The following SSRP1 variants were observed in gnomAD, a reference collection of about 807,000 sequenced individuals.
SSRP1 encodes structure specific recognition protein 1.
SSRP1 carries 21 observed loss-of-function variants against 84.4 expected under a neutral mutation model. That is an observed-to-expected ratio of 0.25 (90% confidence interval 0.18 to 0.36). The LOEUF is 0.36. SSRP1 is among the 10% of genes least tolerant of loss of function. SSRP1 has a pLI of 1.00. For missense variants in SSRP1, 519 were observed against 900.8 expected (o/e 0.58, Z 5.43); for synonymous variants, 319 against 318.3 (o/e 1.00, Z -0.02).
chr11:57,334,446 G>A lies in SSRP1; in HGVS notation c.240+17C>T. The A allele has an allele frequency of 6.2e-7, 1 of 1,612,620 alleles. No individual in the cohort carries two copies. Among genetic ancestry groups the A allele is most frequent in the Middle Eastern group, 1.7e-4 (1 of 6,060 alleles). Reference sequence around the variant, plus strand: ...AGATGCAGTAAAAAGGAGGCTTATAGCCATGGGACATCTCACCGATTCTCG... The same window carrying A: ...AGATGCAGTAAAAAGGAGGCTTATAACCATGGGACATCTCACCGATTCTCG... On this transcript the variant is annotated intron_variant, in intron 3 of 16. Transcript: ENST00000278412.
In SSRP1 at chr11:57,330,164, G is replaced by C; in HGVS notation, c.1436-26C>G. ...CTGAAAAAGGGCACAGGATGCATCAGCTTCTGCCCCAATGGAAATCCCCCC... is the reference window on the plus strand; with the variant it reads ...CTGAAAAAGGGCACAGGATGCATCACCTTCTGCCCCAATGGAAATCCCCCC... On this transcript the variant is annotated intron_variant, in intron 11 of 16. Transcript: ENST00000278412. The surrounding 1 kb of genome is among the most constrained non-coding windows in gnomAD (Gnocchi z 4.0). 1 of 1,614,154 alleles carries C rather than the reference G, an allele frequency of 6.2e-7. No homozygotes were observed. The highest frequency in any genetic ancestry group is 8.5e-7 in the Non-Finnish European group (1 of 1,180,034).
rs766522949 is a variant in SSRP1, at chr11:57,332,673, C to T, written c.720G>A (p.Leu240=). 1.2e-5 allele frequency: 20 copies of T among 1,613,850 alleles called. No individual in the cohort carries two copies. In the South Asian group the frequency reaches 2.1e-4, roughly 17 times the overall value. The stretch of plus-strand genomic sequence containing the variant: ...CCTTGTGGGGTAACAAAAACAGACG[C>T]AGTACTGTGGTGTAGGGGATCTTGT... ...FDYKIPYTTV[L]RLFLLPHKDQ... is the part of the protein sequence containing the mutation. The change falls in exon 6 of 17, where the codon CTG becomes CTA. Residue 240 remains leucine (L), a synonymous_variant. Coordinates refer to ENST00000278412, the MANE Select transcript of SSRP1 (RefSeq NM_003146.3). This position sits in a 1 kb window ranked among gnomAD's most constrained non-coding sequence, Gnocchi z 5.5.
At chr11:57,334,262 T>A (rs1182328600) in intron 3 of SSRP1, among the ~76,000 whole-genome samples, 1 of 152,246 alleles carries the variant, frequency 6.6e-6, no homozygotes, top group East Asian at 1.9e-4. Flanking sequence ...GAAGAAAATC[T>A]TCTGGAGTCA....
At chr11:57,328,038 C>A in intron 13 of SSRP1, 156 bp from the exon 14 acceptor site, 1 of 986,978 alleles carries the variant, frequency 1.0e-6, no homozygotes, top group South Asian at 1.7e-5. Context: ...GTATCTCCTT[C>A]CCCTCTGCAA....
intron 3 of SSRP1, among the ~76,000 whole-genome samples, chr11:57,334,157 A>G (rs952764621): frequency 1.3e-5 from 2 of 152,228 alleles, no homozygotes; most frequent in African/African-American, 4.8e-5. Flanking sequence ...TGTCCCCAAA[A>G]AAAACCAAAA....
rs568153673 is a variant in SSRP1 at position 57,335,403 on chromosome 11, C to T, written c.-119-163G>A. The T allele has an allele frequency of 9.7e-5, 39 of 401,224 alleles. No individual in the cohort carries two copies. The highest frequency in any genetic ancestry group is 6.8e-4 in the South Asian group (29 of 42,400). 24.9% of individuals were successfully genotyped at this position (401,224 alleles called of 1,614,324 possible). On this transcript the variant is annotated intron_variant, in intron 1 of 16. Coordinates refer to ENST00000278412, the MANE Select transcript of SSRP1 (RefSeq NM_003146.3). This position sits in a 1 kb window ranked among gnomAD's most constrained non-coding sequence, Gnocchi z 4.6. The stretch of plus-strand genomic sequence containing the variant: ...AGTGCCCGAGGGTCCAGGTCCAGGC[C>T]TGGGTGGAGAACCGGGCCCGGAATA...
chr11:57,335,871 G>A lies in SSRP1; in HGVS notation c.-261C>T, dbSNP rs1481919242. The A allele has an allele frequency of 6.6e-6, 1 of 152,328 alleles. No individual in the cohort carries two copies. The highest frequency in any genetic ancestry group is 2.4e-5 in the African/African-American group (1 of 41,456). 9.4% of individuals were successfully genotyped at this position (152,328 alleles called of 1,614,324 possible). On this transcript the variant is annotated 5_prime_UTR_variant, in exon 1 of 17. Transcript: ENST00000278412. The surrounding 1 kb of genome is among the most constrained non-coding windows in gnomAD (Gnocchi z 4.6). ...GCGGCCCCGCGTCCCGCCACCGGAA[G>A]CCGTACACAGGCCACAGAGAGGATG...
chr11:57,327,029 C>G, intron 15 of SSRP1, 140 bp from the exon 16 acceptor site: 2 of 1,416,084 alleles, frequency 1.4e-6, no homozygotes, highest in South Asian at 1.5e-5. Context: ...CTGCGTCAGC[C>G]TGGAGGGCAC....
At chr11:57,328,760 A>G in intron 12 of SSRP1, 1 of 227,672 alleles carries the variant, frequency 4.4e-6, no homozygotes, top group South Asian at 8.7e-5. Flanking sequence ...ACACTGCCTC[A>G]TTCATGCCTG....
chr11:57,330,082 C>G lies in SSRP1; in HGVS notation c.1481+11G>C, dbSNP rs1359927776. 1 of 1,614,190 alleles carries G rather than the reference C, an allele frequency of 6.2e-7. No individual in the cohort carries two copies. Among genetic ancestry groups the G allele is most frequent in the Non-Finnish European group, 8.5e-7 (1 of 1,180,034 alleles). ...ACCATCTTATCCCCACAAGGTACCA[C>G]CAAAACTCACTCCTCTGCCACATCT... On this transcript the variant is annotated intron_variant, in intron 12 of 16. Transcript: ENST00000278412. This position sits in a 1 kb window ranked among gnomAD's most constrained non-coding sequence, Gnocchi z 4.0.
At position 57,332,796 on chromosome 11, in the gene SSRP1, G is replaced by C. The variant is rs1856120265; in HGVS notation, c.597C>G (p.Ile199Met). The stretch of plus-strand genomic sequence containing the variant: ...GACACTGCAGCTCCCGGAAGATGCA[G>C]ATGGCATCTCCCGTGGCCTGGATTA... Reference protein sequence around the residue: ...ADVIQATGDAICIFRELQCLT... With the variant: ...ADVIQATGDAMCIFRELQCLT... The change falls in exon 6 of 17, where the codon ATC becomes ATG. Residue 199 changes from isoleucine to methionine, a missense_variant. Ile to Met is a conservative substitution (Grantham distance 10). Transcript: ENST00000278412. The surrounding 1 kb of genome is among the most constrained non-coding windows in gnomAD (Gnocchi z 5.5). 1 of 1,614,158 alleles carries C rather than the reference G, an allele frequency of 6.2e-7. No homozygotes were observed. The highest frequency in any genetic ancestry group is 8.5e-7 in the Non-Finnish European group (1 of 1,180,036).
chr11:57,330,932 G>A lies in SSRP1; in HGVS notation c.1224-5C>T. On this transcript the variant is annotated splice_region_variant and splice_polypyrimidine_tract_variant and intron_variant, in intron 9 of 16. Transcript: ENST00000278412. This position sits in a 1 kb window ranked among gnomAD's most constrained non-coding sequence, Gnocchi z 4.0. The stretch of plus-strand genomic sequence containing the variant: ...AACAGTTTCCCGTACTCCTCCCTGT[G>A]AGGGGACATGCACCATGTTACCAGA... 1 of 1,614,160 alleles carries A rather than the reference G, an allele frequency of 6.2e-7. No homozygotes were observed. The highest frequency in any genetic ancestry group is 8.5e-7 in the Non-Finnish European group (1 of 1,180,010).
rs779838351 is a variant in SSRP1, at chr11:57,330,401, G to T, written c.1325C>A (p.Ala442Asp). ...EGMNPSYDEY[A>D]DSDEDQHDAY... ...ATCATGCTGGTCCTCATCAGAGTCA[G>T]CATATTCATCGTAGCTTGGGTTCAT... The change falls in exon 11 of 17, where the codon GCT becomes GAT. Residue 442 changes from alanine (A) to aspartate (D), a missense_variant. By Grantham distance (126) the Ala-to-Asp change is moderately radical (BLOSUM62 -2). This residue lies in a region of SSRP1 where 34 missense variants were observed against 34.3 expected (regional missense o/e 0.99). Coordinates refer to ENST00000278412, the MANE Select transcript of SSRP1 (RefSeq NM_003146.3). The surrounding 1 kb of genome is among the most constrained non-coding windows in gnomAD (Gnocchi z 4.0). 1.5e-5 allele frequency: 24 copies of T among 1,613,966 alleles called. No individual in the cohort carries two copies. The highest frequency in any genetic ancestry group is 8.3e-5 in the Admixed American group (5 of 60,008).
In SSRP1 at chr11:57,326,825, C is replaced by A. The variant is rs1035884861; in HGVS notation, c.1936G>T (p.Gly646Cys). 3.1e-6 allele frequency: 5 copies of A among 1,614,070 alleles called. No homozygotes were observed. The highest frequency in any genetic ancestry group is 4.2e-6 in the Non-Finnish European group (5 of 1,180,030). Reference sequence around the variant, plus strand: ...CTTGAGGACGACTTGGATGATGAGCCCCTAGAGGGCGTGGATTTCTTTTCC... The same window carrying A: ...CTTGAGGACGACTTGGATGATGAGCACCTAGAGGGCGTGGATTTCTTTTCC... Reference protein sequence around the residue: ...KMEKKSTPSRGSSSKSSSRQL... With the variant: ...KMEKKSTPSRCSSSKSSSRQL... The change falls in exon 16 of 17, where the codon GGC becomes TGC. Residue 646 changes from glycine (G) to cysteine (C), a missense_variant. Coordinates refer to ENST00000278412, the MANE Select transcript of SSRP1 (RefSeq NM_003146.3).
chr11:57,333,968 T>C (rs1190708900), intron 3 of SSRP1, among the ~76,000 whole-genome samples: 2 of 152,186 alleles, frequency 1.3e-5, no homozygotes, highest in Non-Finnish European at 2.9e-5. Context: ...CTGGGTAATG[T>C]GGCAAAACGC....
In SSRP1 at chr11:57,330,671, T is replaced by C. The variant is rs1040960273; in HGVS notation, c.1296+184A>G. ...CACTGGGGGCTCCTGAGGGGCTGCATAGACTGGTCTAAGGTCATGCAGAGG... is the reference window on the plus strand; with the variant it reads ...CACTGGGGGCTCCTGAGGGGCTGCACAGACTGGTCTAAGGTCATGCAGAGG... On this transcript the variant is annotated intron_variant, in intron 10 of 16. Transcript: ENST00000278412. The surrounding 1 kb of genome is among the most constrained non-coding windows in gnomAD (Gnocchi z 4.0). 6.2e-6 allele frequency: 9 copies of C among 1,457,506 alleles called. No homozygotes were observed. Among genetic ancestry groups the C allele is most frequent in the Admixed American group, 2.6e-5 (1 of 38,834 alleles). The allele number at this position is 1,457,506 out of a possible 1,614,324, so 90.3% of individuals were successfully genotyped here. A position where few individuals can be genotyped will look rare whatever the true frequency, so the allele number is the denominator to read the frequency against.
chr11:57,330,944 A>G lies in SSRP1; in HGVS notation c.1224-17T>C, dbSNP rs765506250. ...TACTCCTCCCTGTGAGGGGACATGCACCATGTTACCAGAGAGGTAGTGCCA... is the reference window on the plus strand; with the variant it reads ...TACTCCTCCCTGTGAGGGGACATGCGCCATGTTACCAGAGAGGTAGTGCCA... On this transcript the variant is annotated splice_polypyrimidine_tract_variant and intron_variant, in intron 9 of 16. Coordinates refer to ENST00000278412, the MANE Select transcript of SSRP1 (RefSeq NM_003146.3). The surrounding 1 kb of genome is among the most constrained non-coding windows in gnomAD (Gnocchi z 4.0). The G allele has an allele frequency of 5.0e-6, 8 of 1,613,832 alleles. No individual in the cohort carries two copies. Among genetic ancestry groups the G allele is most frequent in the Non-Finnish European group, 6.8e-6 (8 of 1,179,836 alleles).
In SSRP1 at chr11:57,332,362, C is replaced by T. The variant is rs370598411; in HGVS notation, c.872+21G>A. 6.2e-6 allele frequency: 10 copies of T among 1,613,668 alleles called. No individual in the cohort carries two copies. The highest frequency in any genetic ancestry group is 7.6e-6 in the Non-Finnish European group (9 of 1,179,776). On this transcript the variant is annotated intron_variant, in intron 7 of 16. Coordinates refer to ENST00000278412, the MANE Select transcript of SSRP1 (RefSeq NM_003146.3). The surrounding 1 kb of genome is among the most constrained non-coding windows in gnomAD (Gnocchi z 5.5). ...CTCCTGCCTGGACAGTGGTAGGAAA[C>T]GAGTCCAGGGAGACACTCACTCGTT...
chr11:57,335,820 A>T lies in SSRP1; in HGVS notation c.-210T>A, dbSNP rs1856207682. ...GGGGCGCGGGGAGGGGGATGGGGGG[A>T]CACCGGGGAAGCTTTTCCCGCGTGC... On this transcript the variant is annotated 5_prime_UTR_variant, in exon 1 of 17. Transcript: ENST00000278412. The surrounding 1 kb of genome is among the most constrained non-coding windows in gnomAD (Gnocchi z 4.6). The T allele has an allele frequency of 6.6e-6, 1 of 151,394 alleles. No homozygotes were observed. Among genetic ancestry groups the T allele is most frequent in the East Asian group, 1.9e-4 (1 of 5,130 alleles). The allele number at this position is 151,394 out of a possible 1,614,324, so 9.4% of individuals were successfully genotyped here.
Sources: gnomAD v4.1 joint callset for allele counts (sites outside exome capture counted in the v4.1 genomes callset) on GRCh38, gnomAD v4.1.1 for gene constraint, gnomAD v4.1.1 regional missense constraint, Gnocchi (gnomAD v3.1) non-coding constraint, MANE v1.5 for transcripts, NCBI Gene and HGNC (gene_info 2026-07-23, HGNC 2026-07-21) for gene names.